Variants in RPS6KC1 observed in about 807,000 individuals in gnomAD.
RPS6KC1 encodes inactive ribosomal protein S6 kinase delta-1.
Under a neutral mutation model 103.8 loss-of-function variants are expected in RPS6KC1, and 54 were observed. That is an observed-to-expected ratio of 0.52 (90% confidence interval 0.42 to 0.65). The LOEUF is 0.65. Among genes scored for constraint, RPS6KC1 ranks in the 30% least tolerant of loss-of-function variants. The pLI is 0.00. For missense variants in RPS6KC1, 1,151 were observed against 1,253.8 expected, an observed-to-expected ratio of 0.92 and a Z score of 1.24; for synonymous variants, 439 against 438.7, an observed-to-expected ratio of 1.00 and a Z score of -0.01.
the RPS6KC1 span, among the ~76,000 whole-genome samples, chr1:213,305,745 C>G: frequency 6.6e-6 from 1 of 152,176 alleles, no homozygotes; most frequent in East Asian, 1.9e-4. Flanking sequence ...CTATAAACTT[C>G]CCAGTAATGA....
chr1:213,746,014 A>G, the RPS6KC1 span, among the ~76,000 whole-genome samples: 2 of 152,296 alleles, frequency 1.3e-5, no homozygotes, highest in South Asian at 4.1e-4. Flanking sequence ...TTTTTAATTC[A>G]TTTAACAAAT....
chr1:213,189,906 T>C (rs989377047), intron 8 of RPS6KC1, among the ~76,000 whole-genome samples: 3 of 152,210 alleles, frequency 2.0e-5, no homozygotes, highest in Non-Finnish European at 4.4e-5. Context: ...ATGCAAAGTT[T>C]GTCTTTTTGT....
At chr1:213,135,044 G>T (rs186631882) in intron 6 of RPS6KC1, among the ~76,000 whole-genome samples, 1 of 152,260 alleles carries the variant, frequency 6.6e-6, no homozygotes, top group Non-Finnish European at 1.5e-5. Context: ...CGTGGAATAT[G>T]ATGTTAGTTG....
intron 10 of RPS6KC1, among the ~76,000 whole-genome samples, chr1:213,233,139 A>G (rs2094143355): frequency 6.6e-6 from 1 of 152,170 alleles, no homozygotes; most frequent in South Asian, 2.1e-4. Flanking sequence ...TGAATGCAAG[A>G]TTTTTGATGG....
intron 3 of RPS6KC1, among the ~76,000 whole-genome samples, chr1:213,095,411 G>A (rs79596406): frequency 6.6e-6 from 1 of 152,196 alleles, no homozygotes; most frequent in East Asian, 1.9e-4. Context: ...TGTAAACTCT[G>A]CTATTTAGGA....
chr1:213,682,928 A>G, the RPS6KC1 span, among the ~76,000 whole-genome samples: 1 of 152,190 alleles, frequency 6.6e-6, no homozygotes, highest in Non-Finnish European at 1.5e-5. Flanking sequence ...ATAACCCAAT[A>G]TTAACAACAG....
At chr1:213,067,042 G>A (rs2078393683) in intron 1 of RPS6KC1, among the ~76,000 whole-genome samples, 1 of 152,142 alleles carries the variant, frequency 6.6e-6, no homozygotes, top group Non-Finnish European at 1.5e-5. Flanking sequence ...ACAGCCATTT[G>A]TCTTTTAACT....
At chr1:213,248,537 G>A (rs2094492859) in intron 12 of RPS6KC1, among the ~76,000 whole-genome samples, 1 of 151,920 alleles carries the variant, frequency 6.6e-6, no homozygotes, top group Non-Finnish European at 1.5e-5. Flanking sequence ...CTTCACCACT[G>A]TATATCCATG....
chr1:213,080,210 G>A (rs907591049), intron 3 of RPS6KC1, among the ~76,000 whole-genome samples: 3 of 151,906 alleles, frequency 2.0e-5, no homozygotes, highest in African/African-American at 4.8e-5. Context: ...GAGCCACTGC[G>A]CCTGGCCCAT....
chr1:213,607,399 A>T, the RPS6KC1 span, among the ~76,000 whole-genome samples: 12 of 152,196 alleles, frequency 7.9e-5, no homozygotes, highest in African/African-American at 2.2e-4. Context: ...CAGAGGAGGA[A>T]ATGAAGGCTC....
At chr1:213,380,916 C>G in the RPS6KC1 span, among the ~76,000 whole-genome samples, 1 of 152,116 alleles carries the variant, frequency 6.6e-6, no homozygotes, top group African/African-American at 2.4e-5. Context: ...CCATCTGTGC[C>G]GTGGGGTCTT....
the RPS6KC1 span, among the ~76,000 whole-genome samples, chr1:213,618,032 T>G: frequency 4.6e-5 from 7 of 152,334 alleles, no homozygotes; most frequent in Middle Eastern, 3.4e-3. Flanking sequence ...ATCCCACAAT[T>G]CATTTATGGC....
At chr1:213,444,418 A>G in the RPS6KC1 span, among the ~76,000 whole-genome samples, 93 of 152,190 alleles carry the variant, frequency 6.1e-4, no homozygotes, top group Non-Finnish European at 1.1e-3. Context: ...GCTGGTTTCT[A>G]TATGACTGTT....
the RPS6KC1 span, among the ~76,000 whole-genome samples, chr1:213,284,206 G>C: frequency 6.6e-6 from 1 of 152,192 alleles, no homozygotes; most frequent in African/African-American, 2.4e-5. Context: ...CAGAAATGAA[G>C]ACTAAATTAG....
the RPS6KC1 span, among the ~76,000 whole-genome samples, chr1:213,752,921 T>C: frequency 2.6e-5 from 4 of 151,916 alleles, no homozygotes; most frequent in Non-Finnish European, 4.4e-5. Flanking sequence ...ACCAGAAGAG[T>C]GGATCCTTCA....
chr1:213,490,657 G>A, the RPS6KC1 span, among the ~76,000 whole-genome samples: 4 of 152,222 alleles, frequency 2.6e-5, no homozygotes, highest in South Asian at 4.1e-4. Flanking sequence ...GCCGCACTTT[G>A]CCTCCCTGGC....
the RPS6KC1 span, among the ~76,000 whole-genome samples, chr1:213,540,261 G>T: frequency 2.0e-5 from 3 of 152,246 alleles, no homozygotes; most frequent in South Asian, 4.2e-4. Flanking sequence ...AAATAGCAAG[G>T]ACTACAGGCT....
rs573931341 is a variant in RPS6KC1 at position 213,266,840 on chromosome 1, T to C, written c.3090+4024T>C. Reference sequence around the variant, plus strand: ...ATTGCTTGAACCTGGGAGGCAGAGGTTGCAGTGAGCCGAGATCGCGCCACT... The same window carrying C: ...ATTGCTTGAACCTGGGAGGCAGAGGCTGCAGTGAGCCGAGATCGCGCCACT... On this transcript the variant is annotated intron_variant, in intron 14 of 14. Transcript: ENST00000366960. Among the ~76,000 whole-genome samples, 183 of 151,680 alleles carry C rather than the reference T, an allele frequency of 1.2e-3. 1 individual carries two copies. The highest frequency in any genetic ancestry group is 4.2e-3 in the African/African-American group (175 of 41,398).
chr1:213,377,443 C>T, the RPS6KC1 span, among the ~76,000 whole-genome samples: 2 of 152,168 alleles, frequency 1.3e-5, no homozygotes, highest in South Asian at 4.1e-4. Flanking sequence ...TTCAGGTGTT[C>T]TGTGTTTTGA....
Sources: gnomAD v4.1 joint callset for allele counts (sites outside exome capture counted in the v4.1 genomes callset) on GRCh38, gnomAD v4.1.1 for gene constraint, MANE v1.5 for transcripts, NCBI Gene and HGNC (gene_info 2026-07-23, HGNC 2026-07-21) for gene names.